Variants in GRM4 observed in about 807,000 individuals in gnomAD.
The protein encoded by GRM4 is metabotropic glutamate receptor 4.
In GRM4, 28 loss-of-function variants were observed where a neutral mutation model predicts 81.7. That is an observed-to-expected ratio of 0.34 (90% confidence interval 0.25 to 0.47). The LOEUF (loss-of-function observed/expected upper bound fraction) is 0.47. Among genes scored for constraint, GRM4 ranks in the 20% least tolerant of loss-of-function variants. The probability of loss-of-function intolerance (pLI) is 1.00; values close to 1 mark genes in which losing one functional copy is unlikely to be tolerated. For missense variants in GRM4, 948 were observed against 1,290.0 expected, an observed-to-expected ratio of 0.73 and a Z score of 4.06; for synonymous variants, 488 against 528.8, an observed-to-expected ratio of 0.92 and a Z score of 1.06.
At chr6:34,028,020 CG>C in intron 10 of GRM4, 99 bp downstream of exon 10, 1 of 1,316,056 alleles carries the variant, frequency 7.6e-7, no homozygotes, top group Non-Finnish European at 1.0e-6. Context: ...GATGGGGCAT[CG>C]GGGCAGGGCG....
chr6:34,071,074 C>T (rs533622370), intron 3 of GRM4, among the ~76,000 whole-genome samples: 1 of 151,956 alleles, frequency 6.6e-6, no homozygotes, highest in African/African-American at 2.4e-5. Context: ...ACACACTACA[C>T]CCAATCCCAT....
rs1195274317 is a variant in GRM4, at chr6:34,080,469, C to T, written c.736+11414G>A. 6.6e-6 allele frequency among the ~76,000 whole-genome samples: 1 copy of T among 152,246 alleles called. No individual in the cohort carries two copies. The highest frequency in any genetic ancestry group is 1.9e-4 in the East Asian group (1 of 5,204). On this transcript the variant is annotated intron_variant, in intron 3 of 10. Coordinates refer to ENST00000538487, the MANE Select transcript of GRM4 (RefSeq NM_000841.4). This position sits in a 1 kb window ranked among gnomAD's most constrained non-coding sequence, Gnocchi z 5.4. ...TAGTCCACGGCCGTACCCCAGTGTC[C>T]TGGTCCAATGCCTGGCACATAGTCA...
Position 34,036,436 on chromosome 6 carries a change from C to T in GRM4, c.1674G>A (p.Lys558=), listed in dbSNP as rs141302982. Residue 558 remains lysine, a synonymous_variant, in exon 9 of 11, where the codon AAG becomes AAA. Coordinates refer to ENST00000538487, the MANE Select transcript of GRM4 (RefSeq NM_000841.4). This position sits in a 1 kb window ranked among gnomAD's most constrained non-coding sequence, Gnocchi z 9.0. The part of the protein sequence containing the change: ...YQYQVDRYTC[K]TCPYDMRPTE... ...TGGGCCGCATGTCATAGGGACACGT[C>T]TTACAGGTGTAGCGGTCCACCTGGT... 139 of 1,613,670 alleles carry T rather than the reference C, an allele frequency of 8.6e-5. No individual in the cohort carries two copies. In the African/African-American group the frequency reaches 1.7e-3, roughly 20 times the overall value.
At chr6:34,132,549 C>A (rs546412556) in intron 2 of GRM4, among the ~76,000 whole-genome samples, 1 of 150,492 alleles carries the variant, frequency 6.6e-6, no homozygotes, top group African/African-American at 2.5e-5. Context: ...TATTTCCATT[C>A]TTCTTATCTG....
intron 2 of GRM4, among the ~76,000 whole-genome samples, chr6:34,117,459 T>C (rs1018338327): frequency 5.9e-5 from 9 of 152,190 alleles, no homozygotes; most frequent in Admixed American, 5.9e-4. Flanking sequence ...GAAGTATACT[T>C]GTGAGGTCAT....
rs114726054 is a variant in GRM4, at chr6:34,135,710, T to C, written c.-363-1851A>G. Reference sequence around the variant, plus strand: ...CCTGTGAATGAATTTATCAGATCTCTGTCCTAGATGGCTATGCATAGTGAC... The same window carrying C: ...CCTGTGAATGAATTTATCAGATCTCCGTCCTAGATGGCTATGCATAGTGAC... On this transcript the variant is annotated intron_variant, in intron 1 of 10. Transcript: ENST00000538487. Among the ~76,000 whole-genome samples the C allele has an allele frequency of 4.1e-3, 618 of 152,318 alleles. 6 individuals carry two copies. Among genetic ancestry groups the C allele is most frequent in the African/African-American group, 0.014 (587 of 41,562 alleles).
rs1374372265 is a variant in GRM4, at chr6:34,080,967, C to T, written c.736+10916G>A. The stretch of plus-strand genomic sequence containing the variant: ...GGACCCTTTGAGATTACCCTGCCCC[C>T]ATCCCTACCTCTTTCCTCCCTAGCC... On this transcript the variant is annotated intron_variant, in intron 3 of 10. Transcript: ENST00000538487. This position sits in a 1 kb window ranked among gnomAD's most constrained non-coding sequence, Gnocchi z 5.4. 6.6e-6 allele frequency among the ~76,000 whole-genome samples: 1 copy of T among 152,182 alleles called. No homozygotes were observed. Among genetic ancestry groups the T allele is most frequent in the Admixed American group, 6.5e-5 (1 of 15,282 alleles).
chr6:34,022,874 G>T lies in GRM4; in HGVS notation c.2690-4C>A. The T allele has an allele frequency of 6.2e-7, 1 of 1,613,174 alleles. No homozygotes were observed. Among genetic ancestry groups the T allele is most frequent in the Non-Finnish European group, 8.5e-7 (1 of 1,179,062 alleles). ...TAAGTCTGTTTGGTGGCCAGCGCTG[G>T]AAGGAGAGAGACCAGGGGTACCCAG... is the stretch of plus-strand genomic sequence containing the variant. On this transcript the variant is annotated splice_region_variant and splice_polypyrimidine_tract_variant and intron_variant, in intron 10 of 10. Coordinates refer to ENST00000538487, the MANE Select transcript of GRM4 (RefSeq NM_000841.4). This position sits in a 1 kb window ranked among gnomAD's most constrained non-coding sequence, Gnocchi z 5.6.
rs1173611195 is a variant in GRM4 at position 34,069,196 on chromosome 6, A to G, written c.737-7168T>C. 6.9e-6 allele frequency among the ~76,000 whole-genome samples: 1 copy of G among 144,654 alleles called. No individual in the cohort carries two copies. Among genetic ancestry groups the G allele is most frequent in the Non-Finnish European group, 1.5e-5 (1 of 67,704 alleles). 94.9% of individuals were successfully genotyped at this position (144,654 alleles called of 152,430 possible). On this transcript the variant is annotated intron_variant, in intron 3 of 10. Coordinates refer to ENST00000538487, the MANE Select transcript of GRM4 (RefSeq NM_000841.4). This position sits in a 1 kb window ranked among gnomAD's most constrained non-coding sequence, Gnocchi z 6.4. ...CACACACACACACACACACACACAC[A>G]CACACACACGCACGCACACACGGCT...
intron 2 of GRM4, among the ~76,000 whole-genome samples, chr6:34,107,819 C>G (rs531290507): frequency 6.6e-6 from 1 of 152,290 alleles, no homozygotes; most frequent in South Asian, 2.1e-4. Flanking sequence ...AAGACAGCAG[C>G]CTGGACCGGG....
intron 2 of GRM4, among the ~76,000 whole-genome samples, chr6:34,126,582 T>C (rs1475706508): frequency 2.0e-5 from 3 of 152,156 alleles, no homozygotes; most frequent in Admixed American, 2.0e-4. Flanking sequence ...CATATCCAGG[T>C]GACCCTGGAT....
At chr6:34,072,680 ACACAT>A (rs1289679189) in intron 3 of GRM4, among the ~76,000 whole-genome samples, 15 of 143,968 alleles carry the variant, frequency 1.0e-4, no homozygotes, top group Admixed American at 4.1e-4. Flanking sequence ...CCACACACAC[ACACAT>A]CACCATACAG....
intron 1 of GRM4, among the ~76,000 whole-genome samples, chr6:34,137,792 A>G (rs1300576841): frequency 2.3e-5 from 3 of 130,686 alleles, no homozygotes; most frequent in Admixed American, 1.8e-4. Flanking sequence ...ACATCTCACT[A>G]TGTCGCTTGC....
intron 2 of GRM4, among the ~76,000 whole-genome samples, chr6:34,094,062 G>A (rs567101089): frequency 5.9e-5 from 9 of 152,230 alleles, no homozygotes; most frequent in Non-Finnish European, 8.8e-5. Flanking sequence ...TTACACAGCT[G>A]TGAAAAGGAA....
At chr6:34,151,527 G>T (rs78372953) in intron 1 of GRM4, among the ~76,000 whole-genome samples, 7,078 of 152,204 alleles carry the variant, frequency 0.047, 481 homozygotes, top group African/African-American at 0.14. Context: ...CCAAGACCTC[G>T]TGGCCGCCTG....
At chr6:34,058,028 G>C (rs559047599) in intron 5 of GRM4, among the ~76,000 whole-genome samples, 35 of 152,294 alleles carry the variant, frequency 2.3e-4, no homozygotes, top group African/African-American at 7.9e-4. Flanking sequence ...AGCCAGGAAG[G>C]CATGAGTCTG....
chr6:34,083,883 G>T (rs140585170), intron 3 of GRM4, among the ~76,000 whole-genome samples: 1 of 152,140 alleles, frequency 6.6e-6, no homozygotes, highest in Non-Finnish European at 1.5e-5. Flanking sequence ...GAGGTGGGAG[G>T]GTTGCATGCT....
At chr6:34,027,364 C>T (rs1330764970) in intron 10 of GRM4, among the ~76,000 whole-genome samples, 1 of 152,158 alleles carries the variant, frequency 6.6e-6, no homozygotes. Flanking sequence ...TGGCCAGCTC[C>T]AGACCACAGG....
At chr6:34,056,432 CCA>C in intron 6 of GRM4, 110 bp downstream of exon 6, 1 of 1,001,642 alleles carries the variant, frequency 1.0e-6, no homozygotes, top group Admixed American at 2.4e-5. Context: ...GCACGTCCTG[CCA>C]CGGCCGGCCG....
Sources: gnomAD v4.1 joint callset for allele counts (sites outside exome capture counted in the v4.1 genomes callset) on GRCh38, gnomAD v4.1.1 for gene constraint, Gnocchi (gnomAD v3.1) non-coding constraint, MANE v1.5 for transcripts, NCBI Gene and HGNC (gene_info 2026-07-23, HGNC 2026-07-21) for gene names.